SYNE3: variants seen among roughly 807,000 people sequenced by gnomAD.
SYNE3 encodes the protein spectrin repeat containing nuclear envelope family member 3.
Under a neutral mutation model 111.2 loss-of-function variants are expected in SYNE3, and 100 were observed. The ratio of observed to expected loss-of-function variants is 0.90; its 90% CI spans 0.77 to 1.06. The LOEUF is 1.06. Ranked by LOEUF, SYNE3 falls within the 50% of genes least tolerant of loss-of-function variation. The pLI is 0.00. For synonymous variants in SYNE3, 547 were observed against 533.9 expected, an observed-to-expected ratio of 1.02 and a Z score of -0.34; for missense variants, 1,160 against 1,240.3, an observed-to-expected ratio of 0.94 and a Z score of 0.97.
chr14:95,427,963 C>T (rs150411508), intron 17 of SYNE3, among the ~76,000 whole-genome samples: 30 of 152,300 alleles, frequency 2.0e-4, no homozygotes, highest in African/African-American at 6.5e-4. Flanking sequence ...TACAGTAGCT[C>T]ATTCAATCTA....
chr14:95,430,508 A>C (rs1464536439), intron 17 of SYNE3, among the ~76,000 whole-genome samples: 1 of 152,244 alleles, frequency 6.6e-6, no homozygotes, highest in Non-Finnish European at 1.5e-5. Context: ...AAGTTCATGA[A>C]GTAAATAAGG....
chr14:95,468,876 G>C (rs927519866), intron 2 of SYNE3, among the ~76,000 whole-genome samples: 1 of 152,192 alleles, frequency 6.6e-6, no homozygotes. Context: ...TACTATTGCA[G>C]TTCAGGGGCA....
At chr14:95,497,919 C>T (rs1199765970) in intron 1 of SYNE3, among the ~76,000 whole-genome samples, 1 of 151,726 alleles carries the variant, frequency 6.6e-6, no homozygotes, top group African/African-American at 2.4e-5. Context: ...AATTAGAGAG[C>T]CTTAGTCAGA....
At position 95,409,151 on chromosome 14, in the gene SYNE3, A is replaced by C; in HGVS notation, c.*8675T>G. ...CTGAGGCCCAGGGAACATTCCATAG[A>C]GTGGAGCACTGGGCTCGGAGCCAGT... is the stretch of plus-strand genomic sequence containing the variant. On this transcript the variant is annotated 3_prime_UTR_variant, in exon 18 of 18. Coordinates refer to ENST00000682763, the MANE Select transcript of SYNE3 (RefSeq NM_152592.6). The C allele has an allele frequency of 2.2e-6, 1 of 456,726 alleles. No individual in the cohort carries two copies. The highest frequency in any genetic ancestry group is 1.5e-5 in the South Asian group (1 of 64,572). The allele number at this position is 456,726 out of a possible 1,614,324, so 28.3% of individuals were successfully genotyped here.
chr14:95,472,716 C>T (rs545826308), intron 2 of SYNE3, among the ~76,000 whole-genome samples: 1 of 152,290 alleles, frequency 6.6e-6, no homozygotes, highest in South Asian at 2.1e-4. Context: ...GCCTGCAGAC[C>T]CAGTAGCCAA....
intron 1 of SYNE3, among the ~76,000 whole-genome samples, chr14:95,489,961 G>A (rs565674654): frequency 3.5e-4 from 54 of 152,350 alleles, no homozygotes; most frequent in Middle Eastern, 3.4e-3. Flanking sequence ...ATGGGGTTAG[G>A]AGTCATGGTT....
chr14:95,413,529 T>C lies in SYNE3; in HGVS notation c.*4297A>G, dbSNP rs1335773280. The C allele has an allele frequency of 1.3e-5, 2 of 152,402 alleles. No homozygotes were observed. The highest frequency in any genetic ancestry group is 4.8e-5 in the African/African-American group (2 of 41,446). The allele number at this position is 152,402 out of a possible 1,614,324, so 9.4% of individuals were successfully genotyped here. On this transcript the variant is annotated 3_prime_UTR_variant, in exon 18 of 18. Coordinates refer to ENST00000682763, the MANE Select transcript of SYNE3 (RefSeq NM_152592.6). Reference sequence around the variant, plus strand: ...CCATCCCCTGCAAGGCAGGGCAGGATGATGCCACCGGTCCCAGTTTGCCAG... The same window carrying C: ...CCATCCCCTGCAAGGCAGGGCAGGACGATGCCACCGGTCCCAGTTTGCCAG...
intron 1 of SYNE3, among the ~76,000 whole-genome samples, chr14:95,507,563 C>A (rs546403204): frequency 6.6e-6 from 1 of 152,208 alleles, no homozygotes; most frequent in East Asian, 1.9e-4. Flanking sequence ...CCTCCCTGGG[C>A]ATTTGGGTGT....
chr14:95,443,364 C>A, intron 10 of SYNE3, 75 bp from the exon 11 acceptor site: 6 of 1,571,032 alleles, frequency 3.8e-6, no homozygotes, highest in Non-Finnish European at 5.2e-6. Flanking sequence ...CAGGGCAGAG[C>A]CTCTGAGTGG....
chr14:95,486,791 T>C (rs1465375684), intron 1 of SYNE3, among the ~76,000 whole-genome samples: 2 of 152,120 alleles, frequency 1.3e-5, no homozygotes, highest in Non-Finnish European at 2.9e-5. Context: ...GGTTTACACT[T>C]TTTTGTTTTT....
At chr14:95,444,241 T>C (rs1261263715) in intron 10 of SYNE3, 2 of 496,748 alleles carry the variant, frequency 4.0e-6, no homozygotes, top group Non-Finnish European at 7.0e-6. Context: ...ACTTTGGAAC[T>C]GAGGAGTAAA....
intron 1 of SYNE3, among the ~76,000 whole-genome samples, chr14:95,507,037 G>C (rs1890553180): frequency 6.6e-6 from 1 of 152,248 alleles, no homozygotes; most frequent in Non-Finnish European, 1.5e-5. Flanking sequence ...GTGGTCCGCA[G>C]TTCACAACAC....
intron 1 of SYNE3, among the ~76,000 whole-genome samples, chr14:95,496,229 A>G (rs116685331): frequency 1.3e-5 from 2 of 152,220 alleles, no homozygotes; most frequent in Admixed American, 6.5e-5. Context: ...CACTGTGGTC[A>G]GTGTTGAAGA....
rs1903502336 is a variant in SYNE3, at chr14:95,414,109, T to G, written c.*3717A>C. 6.6e-6 allele frequency: 1 copy of G among 152,232 alleles called. No homozygotes were observed. The allele number at this position is 152,232 out of a possible 1,614,324, so 9.4% of individuals were successfully genotyped here. On this transcript the variant is annotated 3_prime_UTR_variant, in exon 18 of 18. Coordinates refer to ENST00000682763, the MANE Select transcript of SYNE3 (RefSeq NM_152592.6). ...AGGCGAGCTGATGGGCAGAGAGTTC[T>G]GCCTGCTTGCCCAGGGAACTCCATT...
intron 17 of SYNE3, among the ~76,000 whole-genome samples, chr14:95,425,381 C>T (rs977561227): frequency 7.2e-5 from 11 of 152,124 alleles, no homozygotes; most frequent in African/African-American, 2.4e-4. Flanking sequence ...AGCCATAGGA[C>T]GTCCTAGAAA....
At chr14:95,420,624 C>G (rs981749890) in intron 17 of SYNE3, among the ~76,000 whole-genome samples, 6 of 152,160 alleles carry the variant, frequency 3.9e-5, no homozygotes, top group African/African-American at 1.4e-4. Flanking sequence ...TTTACTTAGA[C>G]CTCACGTCCT....
intron 1 of SYNE3, among the ~76,000 whole-genome samples, chr14:95,483,944 C>T (rs1206990397): frequency 1.3e-5 from 2 of 152,204 alleles, no homozygotes; most frequent in Non-Finnish European, 2.9e-5. Context: ...GCAAGCGGTC[C>T]CGAAGCCATT....
At chr14:95,503,223 T>C (rs1460052120) in intron 1 of SYNE3, among the ~76,000 whole-genome samples, 1 of 152,252 alleles carries the variant, frequency 6.6e-6, no homozygotes, top group African/African-American at 2.4e-5. Context: ...ACCTTGGAAA[T>C]GCTCCTTAAC....
chr14:95,492,867 C>T (rs748975910), intron 1 of SYNE3, among the ~76,000 whole-genome samples: 1 of 152,032 alleles, frequency 6.6e-6, no homozygotes, highest in Non-Finnish European at 1.5e-5. Context: ...TTTTAAAGCA[C>T]TGAATTGTAC....
Sources: gnomAD v4.1 joint callset for allele counts (sites outside exome capture counted in the v4.1 genomes callset) on GRCh38, gnomAD v4.1.1 for gene constraint, MANE v1.5 for transcripts, NCBI Gene and HGNC (gene_info 2026-07-23, HGNC 2026-07-21) for gene names.